The following ZMIZ1 variants were observed in gnomAD, a reference collection of about 807,000 sequenced individuals.
ZMIZ1 encodes zinc finger MIZ domain-containing protein 1.
ZMIZ1 carries 17 observed loss-of-function variants against 113.9 expected under a neutral mutation model. The ratio of observed to expected loss-of-function variants is 0.15; its 90% CI spans 0.10 to 0.22. The LOEUF (loss-of-function observed/expected upper bound fraction) is 0.22. Among genes scored for constraint, ZMIZ1 ranks in the 10% least tolerant of loss-of-function variants. The pLI, the probability that ZMIZ1 is intolerant of heterozygous loss-of-function variation, is 1.00. For missense variants in ZMIZ1, 1,059 were observed against 1,477.8 expected (o/e 0.72, Z 4.65); for synonymous variants, 607 against 603.1 (o/e 1.01, Z -0.09).
At chr10:79,197,637 C>CACACACACACACACACCCCT (rs1564713276) in intron 4 of ZMIZ1, among the ~76,000 whole-genome samples, 1 of 149,274 alleles carries the variant, frequency 6.7e-6, no homozygotes, top group Non-Finnish European at 1.5e-5. Context: ...CACACACACA[C>CACACACACACACACACCCCT]ACACACCTGT....
chr10:79,089,203 A>G (rs941189193), intron 1 of ZMIZ1, among the ~76,000 whole-genome samples: 4 of 152,120 alleles, frequency 2.6e-5, no homozygotes, highest in African/African-American at 4.8e-5. Context: ...GTTCATTCCC[A>G]TGGAGGAGAG....
At chr10:79,141,583 C>T (rs976762620) in intron 3 of ZMIZ1, among the ~76,000 whole-genome samples, 1 of 152,028 alleles carries the variant, frequency 6.6e-6, no homozygotes, top group Non-Finnish European at 1.5e-5. Context: ...AATTAGTGTA[C>T]TTTTAGTAGA....
intron 7 of ZMIZ1, among the ~76,000 whole-genome samples, chr10:79,258,248 G>A (rs1484675935): frequency 2.0e-5 from 3 of 152,200 alleles, no homozygotes; most frequent in Non-Finnish European, 4.4e-5. Context: ...GCCAGGGGTG[G>A]TTATGCACGC....
intron 2 of ZMIZ1, among the ~76,000 whole-genome samples, chr10:79,124,847 C>G (rs546847603): frequency 4.9e-4 from 75 of 152,288 alleles, no homozygotes; most frequent in Non-Finnish European, 8.7e-4. Flanking sequence ...TGAGGCAGCC[C>G]CTGAGGGCCT....
intron 7 of ZMIZ1, among the ~76,000 whole-genome samples, chr10:79,264,988 C>T (rs1452105675): frequency 6.6e-6 from 1 of 152,176 alleles, no homozygotes; most frequent in Non-Finnish European, 1.5e-5. Context: ...TATCCTGGGT[C>T]CATGCATCCT....
At chr10:79,177,250 A>G (rs886283055) in intron 4 of ZMIZ1, among the ~76,000 whole-genome samples, 2 of 152,146 alleles carry the variant, frequency 1.3e-5, no homozygotes, top group African/African-American at 2.4e-5. Context: ...CCACAAAAAC[A>G]GTGGAAAAGT....
chr10:79,311,394 C>T (rs1233755835), intron 24 of ZMIZ1, among the ~76,000 whole-genome samples: 4 of 152,164 alleles, frequency 2.6e-5, no homozygotes, highest in East Asian at 1.9e-4. Flanking sequence ...GGCTCCTGTC[C>T]CCCCAGTCCC....
At chr10:79,132,359 C>T (rs1050602997) in intron 2 of ZMIZ1, among the ~76,000 whole-genome samples, 3 of 152,140 alleles carry the variant, frequency 2.0e-5, no homozygotes, top group East Asian at 1.9e-4. Context: ...CCTTTTCGGC[C>T]GGGCTTTCTG....
intron 2 of ZMIZ1, 52 bp from the exon 3 acceptor site, chr10:79,139,630 C>T (rs1216290599): frequency 1.0e-5 from 4 of 397,830 alleles, no homozygotes; most frequent in Admixed American, 4.4e-5. Flanking sequence ...GGGGAGTGGA[C>T]GGCACACCGG....
intron 7 of ZMIZ1, among the ~76,000 whole-genome samples, chr10:79,220,670 G>T (rs1472889234): frequency 6.6e-6 from 1 of 152,154 alleles, no homozygotes; most frequent in African/African-American, 2.4e-5. Context: ...TCTGTGCAGC[G>T]GCCCCTGTCC....
chr10:79,104,208 G>T (rs1418104710), intron 1 of ZMIZ1, among the ~76,000 whole-genome samples: 4 of 152,228 alleles, frequency 2.6e-5, no homozygotes, highest in Non-Finnish European at 5.9e-5. Context: ...GGGTCTCCGT[G>T]TGAAACACAG....
chr10:79,307,294 C>A, intron 22 of ZMIZ1, 111 bp from the exon 23 acceptor site: 2 of 1,136,090 alleles, frequency 1.8e-6, no homozygotes, highest in East Asian at 2.4e-5. Context: ...CTACTACAGC[C>A]TCGCAAGAGG....
intron 3 of ZMIZ1, among the ~76,000 whole-genome samples, chr10:79,161,688 G>C (rs1846120141): frequency 6.6e-6 from 1 of 152,160 alleles, no homozygotes; most frequent in Non-Finnish European, 1.5e-5. Context: ...TCTCCGCAAG[G>C]GTAGGGATCA....
intron 2 of ZMIZ1, among the ~76,000 whole-genome samples, chr10:79,134,026 T>G (rs1010496288): frequency 1.1e-4 from 17 of 152,222 alleles, no homozygotes; most frequent in African/African-American, 4.1e-4. Context: ...ATTAGCTGAT[T>G]ATCGGATTTT....
At chr10:79,159,524 C>T (rs1276185723) in intron 3 of ZMIZ1, among the ~76,000 whole-genome samples, 1 of 152,236 alleles carries the variant, frequency 6.6e-6, no homozygotes, top group Non-Finnish European at 1.5e-5. Context: ...GGGCTGCTTA[C>T]TCACATCCCG....
At chr10:79,252,124 C>T (rs112923349) in intron 7 of ZMIZ1, among the ~76,000 whole-genome samples, 1,846 of 152,238 alleles carry the variant, frequency 0.012, 20 homozygotes, top group Non-Finnish European at 0.018. Flanking sequence ...GCTTTTCCTT[C>T]GACTGCTGCT....
At chr10:79,121,927 C>T (rs1844308336) in intron 2 of ZMIZ1, among the ~76,000 whole-genome samples, 1 of 152,154 alleles carries the variant, frequency 6.6e-6, no homozygotes, top group Admixed American at 6.5e-5. Context: ...CCCAACAATA[C>T]CCATCAGAGT....
At chr10:79,207,054 G>A (rs1023056868) in intron 5 of ZMIZ1, among the ~76,000 whole-genome samples, 2 of 152,246 alleles carry the variant, frequency 1.3e-5, no homozygotes, top group African/African-American at 4.8e-5. Flanking sequence ...GGGAGCTGAG[G>A]GGACCATCCT....
intron 7 of ZMIZ1, among the ~76,000 whole-genome samples, chr10:79,229,080 A>C (rs2802363): frequency 6.6e-6 from 1 of 152,136 alleles, no homozygotes; most frequent in African/African-American, 2.4e-5. Context: ...GGGGTCCCAC[A>C]GATCTAGAAT....
Sources: gnomAD v4.1 joint callset for allele counts (sites outside exome capture counted in the v4.1 genomes callset) on GRCh38, gnomAD v4.1.1 for gene constraint, MANE v1.5 for transcripts, NCBI Gene and HGNC (gene_info 2026-07-23, HGNC 2026-07-21) for gene names.